Variants in WIPI1 observed in about 807,000 individuals in gnomAD.
WIPI1 encodes the protein WD repeat domain phosphoinositide-interacting protein 1.
WIPI1 carries 45 observed loss-of-function variants against 55.3 expected under a neutral mutation model. The observed-to-expected ratio is 0.81, with a 90% CI of 0.64 to 1.04. The LOEUF is 1.04. Among genes scored for constraint, WIPI1 ranks in the 50% least tolerant of loss-of-function variants. The pLI, the probability that WIPI1 is intolerant of heterozygous loss-of-function variation, is 0.00. For synonymous variants in WIPI1, 195 were observed against 217.6 expected, an observed-to-expected ratio of 0.90 and a Z score of 0.92; for missense variants, 445 against 559.0, an observed-to-expected ratio of 0.80 and a Z score of 2.06.
chr17:68,429,107 G>T (rs558740585), intron 9 of WIPI1, among the ~76,000 whole-genome samples, 171 bp from the exon 10 acceptor site: 83 of 152,186 alleles, frequency 5.5e-4, no homozygotes, highest in Non-Finnish European at 1.0e-3. Flanking sequence ...TCTGGCCTTG[G>T]GATCTACTTT....
rs1169700316 is a variant in WIPI1 at position 68,421,619 on chromosome 17, G to A, written c.*154C>T. On this transcript the variant is annotated 3_prime_UTR_variant, in exon 13 of 13. Coordinates refer to ENST00000262139, the MANE Select transcript of WIPI1 (RefSeq NM_017983.7). ...CCAGGGTCGTGGGAAGCTTGGTGAG[G>A]AGTTAACCAGGTCCTGTGGTTTAAG... is the stretch of plus-strand genomic sequence containing the variant. 2.0e-6 allele frequency: 2 copies of A among 1,017,810 alleles called. No homozygotes were observed. The highest frequency in any genetic ancestry group is 3.0e-6 in the Non-Finnish European group (2 of 666,992). The allele number at this position is 1,017,810 out of a possible 1,614,324, so 63.0% of individuals were successfully genotyped here. A position where few individuals can be genotyped will look rare whatever the true frequency, so the allele number is the denominator to read the frequency against.
chr17:68,426,639 TCTC>T (rs1241883458), intron 11 of WIPI1, among the ~76,000 whole-genome samples: 1 of 152,176 alleles, frequency 6.6e-6, no homozygotes, highest in Admixed American at 6.5e-5. Flanking sequence ...TTCAAGCAAT[TCTC>T]CTGCCTCAGC....
chr17:68,430,628 TTTGA>T (rs1390374929), intron 8 of WIPI1, among the ~76,000 whole-genome samples: 2 of 152,128 alleles, frequency 1.3e-5, no homozygotes, highest in African/African-American at 2.4e-5. Context: ...TTGGGTGGTG[TTTGA>T]TTGTAGATAA....
chr17:68,424,646 C>T (rs745480215), intron 12 of WIPI1: 8 of 388,050 alleles, frequency 2.1e-5, no homozygotes, highest in East Asian at 6.8e-5. Context: ...GAGGCCGAGA[C>T]GAGTGGATCA....
At chr17:68,451,703 C>G (rs2084506261) in intron 2 of WIPI1, among the ~76,000 whole-genome samples, 1 of 152,166 alleles carries the variant, frequency 6.6e-6, no homozygotes, top group Admixed American at 6.5e-5. Context: ...GACAGTAACA[C>G]AGTTAAATCT....
At chr17:68,433,762 T>TGTTG (rs1490691932) in intron 7 of WIPI1, among the ~76,000 whole-genome samples, 187 bp from the exon 8 acceptor site, 1 of 12,520 alleles carries the variant, frequency 8.0e-5, no homozygotes, top group East Asian at 8.7e-4. Flanking sequence ...GGGTCATAGT[T>TGTTG]TTTTTTTTTT....
At chr17:68,451,251 C>T (rs946220334) in intron 2 of WIPI1, among the ~76,000 whole-genome samples, 9 of 152,046 alleles carry the variant, frequency 5.9e-5, no homozygotes, top group Non-Finnish European at 4.4e-5. Flanking sequence ...GCCAACATGG[C>T]GAAACCCCAT....
intron 6 of WIPI1, 116 bp downstream of exon 6, chr17:68,435,504 G>A (rs947165886): frequency 9.1e-6 from 9 of 984,618 alleles, no homozygotes; most frequent in Admixed American, 1.9e-5. Flanking sequence ...CAAATTCTGA[G>A]TGGGCCCAGA....
chr17:68,424,717 A>C (rs994600906), intron 12 of WIPI1, among the ~76,000 whole-genome samples: 2 of 152,316 alleles, frequency 1.3e-5, no homozygotes, highest in South Asian at 2.1e-4. Context: ...CTCTACTAAA[A>C]ATACAAAATA....
chr17:68,437,982 C>T (rs1243630647), intron 4 of WIPI1, among the ~76,000 whole-genome samples: 5 of 94,250 alleles, frequency 5.3e-5, no homozygotes, highest in Admixed American at 3.0e-4. Context: ...AAGTGACTGG[C>T]GTCTATTACA....
chr17:68,448,577 A>G (rs1374891490), intron 3 of WIPI1: 1 of 152,194 alleles, frequency 6.6e-6, no homozygotes, highest in East Asian at 1.9e-4. Flanking sequence ...ACACTCAAAT[A>G]GGCCTTCCTT....
chr17:68,427,357 G>C (rs972159590), intron 10 of WIPI1, 104 bp from the exon 11 acceptor site: 18 of 867,888 alleles, frequency 2.1e-5, no homozygotes, highest in Admixed American at 6.7e-5. Flanking sequence ...CAGCTCTGTG[G>C]GTTATTTATT....
At chr17:68,431,202 G>T (rs1440992998) in intron 8 of WIPI1, among the ~76,000 whole-genome samples, 1 of 152,200 alleles carries the variant, frequency 6.6e-6, no homozygotes, top group Non-Finnish European at 1.5e-5. Context: ...ATGCGGTGCT[G>T]CACAGATGGT....
chr17:68,447,761 G>C (rs2084339292), intron 3 of WIPI1, among the ~76,000 whole-genome samples: 1 of 152,102 alleles, frequency 6.6e-6, no homozygotes, highest in African/African-American at 2.4e-5. Context: ...GGGAGGCCGA[G>C]GTGGGTGGAT....
rs753454674 is a variant in WIPI1 at position 68,430,008 on chromosome 17, C to T, written c.953G>A (p.Cys318Tyr). ...RLNFSGQRNI[C>Y]TLSTIQKLPR... ...TCATTGTACGTACGTTGAGAGGGTA[C>T]AGATGTTCCTCTGTCCGGAGAAGTT... The change falls in exon 9 of 13, where the codon TGT becomes TAT. Residue 318 changes from cysteine to tyrosine, a missense_variant. By Grantham distance (194) the Cys-to-Tyr change is radical. Coordinates refer to ENST00000262139, the MANE Select transcript of WIPI1 (RefSeq NM_017983.7). 6.2e-7 allele frequency: 1 copy of T among 1,614,094 alleles called. No individual in the cohort carries two copies. The highest frequency in any genetic ancestry group is 8.5e-7 in the Non-Finnish European group (1 of 1,180,004).
chr17:68,434,388 T>C (rs942336119), intron 7 of WIPI1, among the ~76,000 whole-genome samples, 168 bp downstream of exon 7: 4 of 152,232 alleles, frequency 2.6e-5, no homozygotes, highest in Admixed American at 6.5e-5. Context: ...TCAGTTTTGC[T>C]GAGCCCTAAG....
At position 68,422,152 on chromosome 17, in the gene WIPI1, G is replaced by A. The variant is rs908173947; in HGVS notation, c.1294-332C>T. ...CTATTAAAAAGTCAGTTTAGGCTGG[G>A]CGCGGTGGCTCACGCCTGTAATCCC... On this transcript the variant is annotated intron_variant, in intron 12 of 12. Transcript: ENST00000262139. 4 of 244,286 alleles carry A rather than the reference G, an allele frequency of 1.6e-5. No homozygotes were observed. The Admixed American group carries it at 1.9e-4, about 12-fold the overall frequency. The allele number at this position is 244,286 out of a possible 1,614,324, so 15.1% of individuals were successfully genotyped here. A position where few individuals can be genotyped will look rare whatever the true frequency, so the allele number is the denominator to read the frequency against.
At chr17:68,443,362 CT>C (rs1237268929) in intron 4 of WIPI1, among the ~76,000 whole-genome samples, 7 of 152,198 alleles carry the variant, frequency 4.6e-5, no homozygotes, top group African/African-American at 1.7e-4. Context: ...ATCCACCCGC[CT>C]CGGCCTCCCA....
chr17:68,421,950 G>T, intron 12 of WIPI1, 130 bp from the exon 13 acceptor site: 2 of 1,155,772 alleles, frequency 1.7e-6, no homozygotes, highest in Non-Finnish European at 1.3e-6. Flanking sequence ...TTTTCTGTCT[G>T]AACTCGCTCA....
Sources: gnomAD v4.1 joint callset for allele counts (sites outside exome capture counted in the v4.1 genomes callset) on GRCh38, gnomAD v4.1.1 for gene constraint, MANE v1.5 for transcripts, NCBI Gene and HGNC (gene_info 2026-07-23, HGNC 2026-07-21) for gene names.